DDI2: variants seen among roughly 807,000 people sequenced by gnomAD.
The protein encoded by DDI2 is protein DDI1 homolog 2.
DDI2 carries 5 observed loss-of-function variants against 48.1 expected under a neutral mutation model. The observed-to-expected ratio is 0.10, with a 90% confidence interval of 0.05 to 0.22. DDI2 has a LOEUF of 0.22. DDI2 is among the 10% of genes least tolerant of loss of function. DDI2 has a pLI of 1.00. For synonymous variants in DDI2, 205 were observed against 183.6 expected, an observed-to-expected ratio of 1.12 and a Z score of -0.94; for missense variants, 285 against 506.2, an observed-to-expected ratio of 0.56 and a Z score of 4.19.
At position 15,643,401 on chromosome 1, in the gene DDI2, A is replaced by G. The variant is rs976552191; in HGVS notation, c.761-121A>G. The G allele has an allele frequency of 1.6e-5, 23 of 1,410,998 alleles. No homozygotes were observed. In the East Asian group the frequency reaches 5.3e-4, roughly 33 times the overall value. The allele number at this position is 1,410,998 out of a possible 1,614,324, so 87.4% of individuals were successfully genotyped here. On this transcript the variant is annotated intron_variant, in intron 5 of 9. Transcript: ENST00000480945. ...GCACTTGCTAGGTAGAAATGAGTTT[A>G]TAGAGACCAAAGCCTTGGGGTGTGC...
At chr1:15,625,199 A>G (rs1441826128) in intron 1 of DDI2, among the ~76,000 whole-genome samples, 1 of 152,150 alleles carries the variant, frequency 6.6e-6, no homozygotes, top group Non-Finnish European at 1.5e-5. Context: ...ACTGGAAGGG[A>G]CAGCTGTAAT....
At chr1:15,640,211 T>C (rs1160746391) in intron 5 of DDI2, among the ~76,000 whole-genome samples, 1 of 152,160 alleles carries the variant, frequency 6.6e-6, no homozygotes, top group Non-Finnish European at 1.5e-5. Context: ...AAGACGCTAA[T>C]AGAATACTCA....
At chr1:15,655,665 A>G (rs554118275) in intron 8 of DDI2, among the ~76,000 whole-genome samples, 1 of 151,702 alleles carries the variant, frequency 6.6e-6, no homozygotes, top group Non-Finnish European at 1.5e-5. Context: ...AGGCAGGAGA[A>G]TTGCTTGAAG....
intron 4 of DDI2, chr1:15,634,204 A>C (rs1300582097): frequency 1.3e-5 from 2 of 158,222 alleles, no homozygotes; most frequent in African/African-American, 4.8e-5. Flanking sequence ...GATGAATCAG[A>C]ATTGTCGGGC....
chr1:15,663,520 A>G lies in DDI2; in HGVS notation c.*3730A>G, dbSNP rs1640410352. 1 of 152,230 alleles carries G rather than the reference A, an allele frequency of 6.6e-6. No individual in the cohort carries two copies. Among genetic ancestry groups the G allele is most frequent in the African/African-American group, 2.4e-5 (1 of 41,458 alleles). The allele number at this position is 152,230 out of a possible 1,614,324, so 9.4% of individuals were successfully genotyped here. A position where few individuals can be genotyped will look rare whatever the true frequency, so the allele number is the denominator to read the frequency against. On this transcript the variant is annotated 3_prime_UTR_variant, in exon 10 of 10. Coordinates refer to ENST00000480945, the MANE Select transcript of DDI2 (RefSeq NM_032341.5). ...GTTTACTGCTTTTCAGAGGGCGTGA[A>G]GAACAACAGGTCAGCCAGGTTGTCT...
rs760959968 is a variant in DDI2 at position 15,660,462 on chromosome 1, T to C, written c.*672T>C. ...TTTGTAACATAGGGGACCTTGAGCT[T>C]CCTGAAGAAAGGCAACAGAATCAAC... On this transcript the variant is annotated 3_prime_UTR_variant, in exon 10 of 10. Transcript: ENST00000480945. 4 of 1,614,070 alleles carry C rather than the reference T, an allele frequency of 2.5e-6. No individual in the cohort carries two copies. The highest frequency in any genetic ancestry group is 3.4e-6 in the Non-Finnish European group (4 of 1,180,008).
chr1:15,641,954 TCAAA>T (rs1256188511), intron 5 of DDI2, among the ~76,000 whole-genome samples: 14 of 51,552 alleles, frequency 2.7e-4, no homozygotes, highest in African/African-American at 1.0e-3. Flanking sequence ...AAATTCAGTC[TCAAA>T]AAAAAAAAAA....
chr1:15,642,912 A>G (rs1189369289), intron 5 of DDI2, among the ~76,000 whole-genome samples: 1 of 152,168 alleles, frequency 6.6e-6, no homozygotes, highest in Non-Finnish European at 1.5e-5. Flanking sequence ...CTAAAAATAC[A>G]AAAAATTAGC....
chr1:15,620,282 C>T (rs1184199986), intron 1 of DDI2, among the ~76,000 whole-genome samples: 2 of 152,022 alleles, frequency 1.3e-5, no homozygotes, highest in African/African-American at 4.8e-5. Flanking sequence ...GTCTGGTGGT[C>T]GGTTGTCTTT....
intron 6 of DDI2, among the ~76,000 whole-genome samples, chr1:15,647,115 T>C (rs1022370500): frequency 6.6e-6 from 1 of 152,120 alleles, no homozygotes; most frequent in Non-Finnish European, 1.5e-5. Flanking sequence ...TGTTGCAGGT[T>C]TAAGGATCAG....
At chr1:15,651,399 A>G (rs181863201) in intron 7 of DDI2, among the ~76,000 whole-genome samples, 1 of 151,642 alleles carries the variant, frequency 6.6e-6, no homozygotes, top group East Asian at 2.0e-4. Context: ...GCTCACTGCA[A>G]CCTCTGCCTC....
chr1:15,642,573 C>G (rs1043830030), intron 5 of DDI2, among the ~76,000 whole-genome samples: 6 of 152,124 alleles, frequency 3.9e-5, no homozygotes, highest in African/African-American at 1.4e-4. Context: ...GTCTTGGCCT[C>G]CTGAAGTACG....
chr1:15,638,735 G>A (rs895815344), intron 5 of DDI2, among the ~76,000 whole-genome samples: 4 of 151,782 alleles, frequency 2.6e-5, no homozygotes, highest in Non-Finnish European at 2.9e-5. Flanking sequence ...GGGTTTCACC[G>A]TGTTGGTCAG....
chr1:15,658,316 A>G (rs1286720450), intron 9 of DDI2, among the ~76,000 whole-genome samples: 1 of 151,482 alleles, frequency 6.6e-6, no homozygotes, highest in East Asian at 2.0e-4. Context: ...CGCCTGGCTA[A>G]TTTTTGTATT....
At chr1:15,638,526 T>G in intron 5 of DDI2, 92 bp downstream of exon 5, 2 of 1,122,456 alleles carry the variant, frequency 1.8e-6, no homozygotes, top group Non-Finnish European at 1.2e-6. Context: ...TTCAGATGGC[T>G]GTACTTTTTT....
chr1:15,654,081 T>A (rs927902801), intron 8 of DDI2, among the ~76,000 whole-genome samples: 1 of 152,140 alleles, frequency 6.6e-6, no homozygotes, highest in Non-Finnish European at 1.5e-5. Context: ...TTTACAGTCT[T>A]GTGCTGGCAT....
intron 8 of DDI2, among the ~76,000 whole-genome samples, chr1:15,653,559 A>T (rs186686866): frequency 6.6e-6 from 1 of 152,184 alleles, no homozygotes; most frequent in African/African-American, 2.4e-5. Flanking sequence ...TTAAAAAAAA[A>T]ATTTTTTTTT....
Position 15,623,324 on chromosome 1 carries a change from T to C in DDI2, c.139-3345T>C, listed in dbSNP as rs1244501326. On this transcript the variant is annotated intron_variant, in intron 1 of 9. Coordinates refer to ENST00000480945, the MANE Select transcript of DDI2 (RefSeq NM_032341.5). ...TTTAGGGTTATGTTCGGGAAAGCTG[T>C]ATATGATACTCCTGGAGTAATGGGC... Among the ~76,000 whole-genome samples the C allele has an allele frequency of 3.3e-5, 5 of 152,026 alleles. No homozygotes were observed. In the East Asian group the frequency reaches 9.6e-4, roughly 29 times the overall value.
rs1192512929 is a variant in DDI2, at chr1:15,661,640, T to C, written c.*1850T>C. On this transcript the variant is annotated 3_prime_UTR_variant, in exon 10 of 10. Transcript: ENST00000480945. The stretch of plus-strand genomic sequence containing the variant: ...GCTGGCTTTACTTTGCAGGAAGCTC[T>C]TGGAGCTTTGCATCGAGTTGGTGGG... 1 of 1,614,182 alleles carries C rather than the reference T, an allele frequency of 6.2e-7. No individual in the cohort carries two copies. Among genetic ancestry groups the C allele is most frequent in the South Asian group, 1.1e-5 (1 of 91,026 alleles).
Sources: gnomAD v4.1 joint callset for allele counts (sites outside exome capture counted in the v4.1 genomes callset) on GRCh38, gnomAD v4.1.1 for gene constraint, MANE v1.5 for transcripts, NCBI Gene and HGNC (gene_info 2026-07-23, HGNC 2026-07-21) for gene names.